Variants in ESPL1 observed in about 807,000 individuals in gnomAD.
ESPL1 encodes extra spindle pole bodies like 1, separase, also known as separin.
ESPL1 carries 50 observed loss-of-function variants against 217.2 expected under a neutral mutation model. That is an observed-to-expected ratio of 0.23 (90% confidence interval 0.18 to 0.29). The LOEUF is 0.29. Among genes scored for constraint, ESPL1 ranks in the 10% least tolerant of loss-of-function variants. The pLI, the probability that ESPL1 is intolerant of heterozygous loss-of-function variation, is 1.00. For synonymous variants in ESPL1, 994 were observed against 1,081.3 expected (o/e 0.92, Z 1.58); for missense variants, 1,834 against 2,603.0 (o/e 0.70, Z 6.43).
rs1227501733 is a variant in ESPL1 at position 53,268,821 on chromosome 12, G to A, written c.55G>A (p.Ala19Thr). ...GACTCTGCTAAGCAGCCAGAAGGAG[G>A]CTGAAGAGTTGCTGCCCGCCTTGAA... ...FGTLLSSQKE[A>T]EELLPALKEF... The change falls in exon 2 of 31, where the codon GCT becomes ACT. Residue 19 changes from alanine (A) to threonine (T), a missense_variant. By Grantham distance (58) the Ala-to-Thr change is moderately conservative. This residue lies in a region of ESPL1 where 746 missense variants were observed against 1,077.0 expected (regional missense o/e 0.69). Transcript: ENST00000257934. 2 of 1,612,690 alleles carry A rather than the reference G, an allele frequency of 1.2e-6. No individual in the cohort carries two copies. The highest frequency in any genetic ancestry group is 1.7e-6 in the Non-Finnish European group (2 of 1,179,618).
In ESPL1 at chr12:53,292,177, AG is replaced by A; in HGVS notation, c.5796+92del. 7.1e-7 allele frequency: 1 copy of A among 1,405,972 alleles called. No individual in the cohort carries two copies. The highest frequency in any genetic ancestry group is 1.0e-6 in the Non-Finnish European group (1 of 991,174). The allele number at this position is 1,405,972 out of a possible 1,614,324, so 87.1% of individuals were successfully genotyped here. A position where few individuals can be genotyped will look rare whatever the true frequency, so the allele number is the denominator to read the frequency against. On this transcript the variant is annotated intron_variant, in intron 27 of 30. Coordinates refer to ENST00000257934, the MANE Select transcript of ESPL1 (RefSeq NM_012291.5). This position sits in a 1 kb window ranked among gnomAD's most constrained non-coding sequence, Gnocchi z 4.5. Reference sequence around the variant, plus strand: ...GCAGAGAAACCTGAGAAGATAGGAGAGGGTCCTAGGAATGGCTCAGACATGG... The same window carrying A: ...GCAGAGAAACCTGAGAAGATAGGAGAGGTCCTAGGAATGGCTCAGACATGG...
chr12:53,285,789 CATAT>C, intron 17 of ESPL1, 131 bp from the exon 18 acceptor site: 1 of 578,146 alleles, frequency 1.7e-6, no homozygotes. Context: ...TACAGTAATA[CATAT>C]ATATACACAC....
intron 20 of ESPL1, 81 bp downstream of exon 20, chr12:53,288,780 G>A: frequency 7.3e-7 from 1 of 1,379,024 alleles, no homozygotes; most frequent in South Asian, 1.4e-5. Flanking sequence ...TTTCCAGGCT[G>A]GGTTCGGATC....
chr12:53,292,284 G>C lies in ESPL1; in HGVS notation c.5803G>C (p.Ala1935Pro), dbSNP rs1264726651. ...GCCAGTGTCTCCTCCTCAGTATGGGGCCTCGCCAGTGCTGAGTCAAGGGGT... is the reference window on the plus strand; with the variant it reads ...GCCAGTGTCTCCTCCTCAGTATGGGCCCTCGCCAGTGCTGAGTCAAGGGGT... ...LSYSIIKEYG[A>P]SPVLSQGVDP... Residue 1935 changes from alanine to proline, a missense_variant, in exon 28 of 31, where the codon GCC becomes CCC. By Grantham distance (27) the Ala-to-Pro change is conservative. Around this residue, in one of 5 missense-constraint regions of ESPL1, gnomAD observed 295 missense variants for 519.8 expected, o/e 0.57. Transcript: ENST00000257934. This position sits in a 1 kb window ranked among gnomAD's most constrained non-coding sequence, Gnocchi z 4.5. 1.2e-6 allele frequency: 2 copies of C among 1,611,082 alleles called. No homozygotes were observed. Among genetic ancestry groups the C allele is most frequent in the Admixed American group, 1.7e-5 (1 of 60,014 alleles).
At position 53,286,601 on chromosome 12, in the gene ESPL1, G is replaced by C; in HGVS notation, c.3865G>C (p.Ala1289Pro). 2.5e-6 allele frequency: 4 copies of C among 1,614,122 alleles called. No individual in the cohort carries two copies. The highest frequency in any genetic ancestry group is 3.4e-6 in the Non-Finnish European group (4 of 1,180,028). ...CAGCTGCTGTACTACCCAACTTTTT[G>C]CAAGCTCCTGGGGCTGGCAGCCACC... ...GLSCCTTQLF[A>P]SSWGWQPPLI... Residue 1289 changes from alanine (A) to proline (P), a missense_variant, in exon 18 of 31, where the codon GCA (alanine) becomes CCA (proline). Coordinates refer to ENST00000257934, the MANE Select transcript of ESPL1 (RefSeq NM_012291.5). This position sits in a 1 kb window ranked among gnomAD's most constrained non-coding sequence, Gnocchi z 5.3.
chr12:53,271,634 C>T (rs1159333788), intron 5 of ESPL1, among the ~76,000 whole-genome samples: 1 of 151,268 alleles, frequency 6.6e-6, no homozygotes, highest in Non-Finnish European at 1.5e-5. Flanking sequence ...GCACTCCAGC[C>T]TGGGCAAGAG....
Position 53,292,992 on chromosome 12 carries a change from C to A in ESPL1, c.6161+22C>A. 1.2e-6 allele frequency: 2 copies of A among 1,606,736 alleles called. No individual in the cohort carries two copies. Among genetic ancestry groups the A allele is most frequent in the Non-Finnish European group, 8.5e-7 (1 of 1,176,474 alleles). On this transcript the variant is annotated intron_variant, in intron 30 of 30. Coordinates refer to ENST00000257934, the MANE Select transcript of ESPL1 (RefSeq NM_012291.5). The surrounding 1 kb of genome is among the most constrained non-coding windows in gnomAD (Gnocchi z 4.5). ...GTTGGTGAGTCTCCAAGGGCAAGAC[C>A]CATCCTAGGGCATTAGGACTCCTGC...
At chr12:53,288,510 C>G (rs1005875576) in intron 19 of ESPL1, 28 bp from the exon 20 acceptor site, 16 of 1,592,466 alleles carry the variant, frequency 1.0e-5, no homozygotes, top group Non-Finnish European at 1.4e-5. Context: ...GGAGGGAGCA[C>G]TGTGAAAAAG....
In ESPL1 at chr12:53,293,056, C is replaced by G. The variant is rs1428574387; in HGVS notation, c.6161+86C>G. On this transcript the variant is annotated intron_variant, in intron 30 of 30. Coordinates refer to ENST00000257934, the MANE Select transcript of ESPL1 (RefSeq NM_012291.5). The surrounding 1 kb of genome is among the most constrained non-coding windows in gnomAD (Gnocchi z 4.2). ...TCTTTCCCAGGTCTGAATCTTGCCT[C>G]TCTTGTGCCCCATTTTCCTCCTATC... The G allele has an allele frequency of 1.2e-5, 16 of 1,330,826 alleles. No individual in the cohort carries two copies. The highest frequency in any genetic ancestry group is 1.2e-5 in the Non-Finnish European group (12 of 963,124). The allele number at this position is 1,330,826 out of a possible 1,614,324, so 82.4% of individuals were successfully genotyped here. A position where few individuals can be genotyped will look rare whatever the true frequency, so the allele number is the denominator to read the frequency against.
intron 26 of ESPL1, 27 bp downstream of exon 26, chr12:53,291,887 G>A: frequency 1.3e-6 from 2 of 1,591,628 alleles, no homozygotes; most frequent in South Asian, 1.2e-5. Flanking sequence ...GAGGGGCAGT[G>A]TCTAGTGGGG....
chr12:53,269,082 G>A lies in ESPL1; in HGVS notation c.140G>A (p.Arg47Lys), dbSNP rs747770966. 4.3e-6 allele frequency: 7 copies of A among 1,613,878 alleles called. No homozygotes were observed. The African/African-American group carries it at 9.3e-5, about 22-fold the overall frequency. ...AGCAGCCGATCTGATGCTGAGAGGA[G>A]ACAAGCTTGTGATGCCATCCTGAGG... ...FPSSRSDAER[R>K]QACDAILRAC... Residue 47 changes from arginine (R) to lysine (K), a missense_variant, in exon 3 of 31, where the codon AGA becomes AAA. Physicochemically the swap from Arg to Lys is conservative, Grantham distance 26. Coordinates refer to ENST00000257934, the MANE Select transcript of ESPL1 (RefSeq NM_012291.5). The surrounding 1 kb of genome is among the most constrained non-coding windows in gnomAD (Gnocchi z 6.7).
At chr12:53,271,915 G>A (rs969876670) in intron 5 of ESPL1, among the ~76,000 whole-genome samples, 2 of 151,882 alleles carry the variant, frequency 1.3e-5, no homozygotes, top group Admixed American at 6.6e-5. Context: ...GTGAAACCCC[G>A]TCTCTACTAA....
chr12:53,283,061 T>C, intron 14 of ESPL1, 68 bp from the exon 15 acceptor site: 1 of 1,603,174 alleles, frequency 6.2e-7, no homozygotes, highest in Non-Finnish European at 8.5e-7. Flanking sequence ...CAGGCTTTGC[T>C]GCCTTAGTAG....
rs568037073 is a variant in ESPL1, at chr12:53,290,469, G to GGT, written c.5364+6_5364+7dup. On this transcript the variant is annotated frameshift_variant and splice_region_variant. Coordinates refer to ENST00000257934, the MANE Select transcript of ESPL1 (RefSeq NM_012291.5). LOFTEE classifies it high-confidence loss of function. Reference sequence around the variant, plus strand: ...GGCTGGCACTGGACCACAGGATGGAGGTGTGTGCTTCTGGGGTGGGGTCAG... The same window carrying GGT: ...GGCTGGCACTGGACCACAGGATGGAGGTGTGTGTGCTTCTGGGGTGGGGTCAG... 2.0e-4 allele frequency: 318 copies of GGT among 1,612,184 alleles called. No individual in the cohort carries two copies. In the African/African-American group the frequency reaches 4.0e-3, roughly 20 times the overall value.
chr12:53,277,452 C>A lies in ESPL1; in HGVS notation c.2086-18C>A. ...CACACCACTGTGCCCTGTTTTATACCCCGATCTTCCCATCCAGGGTATCGA... is the reference window on the plus strand; with the variant it reads ...CACACCACTGTGCCCTGTTTTATACACCGATCTTCCCATCCAGGGTATCGA... On this transcript the variant is annotated intron_variant, in intron 9 of 30. Transcript: ENST00000257934. The A allele has an allele frequency of 3.7e-6, 6 of 1,611,686 alleles. No individual in the cohort carries two copies. The highest frequency in any genetic ancestry group is 5.1e-6 in the Non-Finnish European group (6 of 1,178,980).
intron 22 of ESPL1, 144 bp downstream of exon 22, chr12:53,289,738 C>T (rs1944019211): frequency 4.2e-6 from 3 of 706,384 alleles, no homozygotes; most frequent in Admixed American, 3.1e-5. Context: ...TAGCATCTTA[C>T]ATCAGGAAGG....
Position 53,288,078 on chromosome 12 carries a change from C to G in ESPL1, c.4283C>G (p.Ala1428Gly), listed in dbSNP as rs1490102250. The part of the protein sequence containing the change: ...RGTASRGRGR[A>G]RKGLSLKTDA... ...ACTGCTTCCCGGGGCCGGGGGCGAG[C>G]AAGGAAGGGCCTGAGCCTAAAGACG... The change falls in exon 19 of 31, where the codon GCA becomes GGA. Residue 1428 changes from alanine (A) to glycine (G), a missense_variant. Around this residue, in one of 5 missense-constraint regions of ESPL1, gnomAD observed 681 missense variants for 808.0 expected, o/e 0.84. Transcript: ENST00000257934. The G allele has an allele frequency of 3.7e-6, 6 of 1,613,630 alleles. No homozygotes were observed. The highest frequency in any genetic ancestry group is 4.2e-6 in the Non-Finnish European group (5 of 1,179,980).
Position 53,292,482 on chromosome 12 carries a change from G to T in ESPL1, c.5912+89G>T, listed in dbSNP as rs992330046. Reference sequence around the variant, plus strand: ...CTTTTCTCCAGAAACAGCTGTTGCAGCCCACCTTCTATCTAATGATCCCTC... The same window carrying T: ...CTTTTCTCCAGAAACAGCTGTTGCATCCCACCTTCTATCTAATGATCCCTC... On this transcript the variant is annotated intron_variant, in intron 28 of 30. Coordinates refer to ENST00000257934, the MANE Select transcript of ESPL1 (RefSeq NM_012291.5). This position sits in a 1 kb window ranked among gnomAD's most constrained non-coding sequence, Gnocchi z 4.5. The T allele has an allele frequency of 1.0e-5, 14 of 1,386,096 alleles. No homozygotes were observed. Among genetic ancestry groups the T allele is most frequent in the Non-Finnish European group, 1.4e-5 (14 of 972,960 alleles). The allele number at this position is 1,386,096 out of a possible 1,614,324, so 85.9% of individuals were successfully genotyped here.
At chr12:53,289,917 G>T in intron 22 of ESPL1, 168 bp from the exon 23 acceptor site, 1 of 680,308 alleles carries the variant, frequency 1.5e-6, no homozygotes, top group Non-Finnish European at 2.5e-6. Flanking sequence ...ACAAGTCATG[G>T]TCTCTGTGCA....
Sources: allele counts gnomAD v4.1 joint callset (sites outside exome capture counted in the v4.1 genomes callset), GRCh38; gene constraint gnomAD v4.1.1; regional missense constraint gnomAD v4.1.1; non-coding constraint Gnocchi (gnomAD v3.1); transcripts MANE v1.5; gene names NCBI Gene and HGNC (gene_info 2026-07-23, HGNC 2026-07-21).